Variants in SLAIN1 observed in about 807,000 individuals in gnomAD.
The protein encoded by SLAIN1 is SLAIN family member 1.
In SLAIN1, 17 loss-of-function variants were observed where a neutral mutation model predicts 55.4. The observed-to-expected ratio is 0.31, with a 90% CI of 0.21 to 0.46. The LOEUF (loss-of-function observed/expected upper bound fraction) is 0.46, where lower values mean the gene tolerates loss of function less well. SLAIN1 is among the 20% of genes least tolerant of loss of function. SLAIN1 has a pLI of 1.00. For missense variants in SLAIN1, 682 were observed against 785.1 expected (o/e 0.87, Z 1.57); for synonymous variants, 348 against 337.4 (o/e 1.03, Z -0.35).
Position 77,741,473 on chromosome 13 carries a change from A to G in SLAIN1, c.767-2810A>G, listed in dbSNP as rs942724793. ...ACGGGTTGGATAAGTGACATATACG[A>G]CTGGTGTCAATTGGCAACCAGGCTT... On this transcript the variant is annotated intron_variant, in intron 2 of 6. Coordinates refer to ENST00000418532, the MANE Select transcript of SLAIN1 (RefSeq NM_001242868.2). 5 of 983,410 alleles carry G rather than the reference A, an allele frequency of 5.1e-6. No homozygotes were observed. In the African/African-American group the frequency reaches 8.7e-5, roughly 17 times the overall value. The allele number at this position is 983,410 out of a possible 1,614,324, so 60.9% of individuals were successfully genotyped here. A position where few individuals can be genotyped will look rare whatever the true frequency, so the allele number is the denominator to read the frequency against.
At chr13:77,726,433 CTT>C (rs556561473) in intron 2 of SLAIN1, among the ~76,000 whole-genome samples, 1 of 149,202 alleles carries the variant, frequency 6.7e-6, no homozygotes, top group East Asian at 2.0e-4. Context: ...ATCTAAGAAA[CTT>C]TTTTTTTTAA....
chr13:77,744,920 G>C (rs1873710404), intron 3 of SLAIN1, among the ~76,000 whole-genome samples: 1 of 151,980 alleles, frequency 6.6e-6, no homozygotes, highest in African/African-American at 2.4e-5. Context: ...ACAAACTACT[G>C]ATATACACAA....
At chr13:77,740,009 A>G (rs541139764) in intron 2 of SLAIN1, among the ~76,000 whole-genome samples, 1 of 152,202 alleles carries the variant, frequency 6.6e-6, no homozygotes, top group South Asian at 2.1e-4. Flanking sequence ...TTCATTCAGT[A>G]GAAGATGATT....
intron 2 of SLAIN1, among the ~76,000 whole-genome samples, chr13:77,737,601 C>CT (rs1486977136): frequency 5.3e-5 from 8 of 152,074 alleles, no homozygotes; most frequent in Non-Finnish European, 8.8e-5. Flanking sequence ...GTACACTGCT[C>CT]TTTCATGTGT....
At chr13:77,708,402 G>T (rs1449647204) in intron 1 of SLAIN1, among the ~76,000 whole-genome samples, 13 of 152,276 alleles carry the variant, frequency 8.5e-5, no homozygotes, top group Non-Finnish European at 4.4e-5. Flanking sequence ...CCGTGCTTTA[G>T]ATAGCAGTTT....
At chr13:77,755,934 A>G (rs1031813754) in intron 5 of SLAIN1, among the ~76,000 whole-genome samples, 5 of 152,140 alleles carry the variant, frequency 3.3e-5, no homozygotes, top group Non-Finnish European at 7.4e-5. Flanking sequence ...AGTTCCTATC[A>G]TGACAATTTC....
chr13:77,713,592 C>G (rs1024676544), intron 1 of SLAIN1, among the ~76,000 whole-genome samples: 29 of 152,144 alleles, frequency 1.9e-4, no homozygotes, highest in Non-Finnish European at 3.5e-4. Flanking sequence ...ATTAGTTCAA[C>G]CATTGTAGAA....
Position 77,718,540 on chromosome 13 carries a change from T to G in SLAIN1, c.627-992T>G, listed in dbSNP as rs180832247. On this transcript the variant is annotated intron_variant, in intron 1 of 6. Coordinates refer to ENST00000418532, the MANE Select transcript of SLAIN1 (RefSeq NM_001242868.2). ...CCAACCATCTTGTATAACTGATAAA[T>G]TACTCTAATAGGTGAACGTTTTGTC... Among the ~76,000 whole-genome samples the G allele has an allele frequency of 9.7e-4, 148 of 152,258 alleles. 1 individual carries two copies. Among genetic ancestry groups the G allele is most frequent in the Middle Eastern group, 6.8e-3 (2 of 294 alleles).
intron 1 of SLAIN1, among the ~76,000 whole-genome samples, chr13:77,713,691 A>C (rs963301826): frequency 1.3e-5 from 2 of 152,208 alleles, no homozygotes; most frequent in African/African-American, 4.8e-5. Flanking sequence ...AAAGGATTAT[A>C]AATCATTCTA....
chr13:77,722,026 A>C (rs2091267391), intron 2 of SLAIN1, among the ~76,000 whole-genome samples: 1 of 149,740 alleles, frequency 6.7e-6, no homozygotes, highest in South Asian at 2.2e-4. Context: ...AAGTAATCCT[A>C]ATTGGTGGTT....
In SLAIN1 at chr13:77,698,762, G is replaced by C; in HGVS notation, c.626+223G>C. On this transcript the variant is annotated intron_variant, in intron 1 of 6. Transcript: ENST00000418532. This position sits in a 1 kb window ranked among gnomAD's most constrained non-coding sequence, Gnocchi z 4.1. ...CCTGTTTTCTAATCGCTCCGACTGC[G>C]GATGAACCGGCCCCCCCTTCCCCCC... 2.6e-6 allele frequency: 3 copies of C among 1,146,302 alleles called. No homozygotes were observed. In the South Asian group the frequency reaches 5.6e-5, roughly 21 times the overall value. 71.0% of individuals were successfully genotyped at this position (1,146,302 alleles called of 1,614,324 possible).
At chr13:77,742,087 T>TTGTG (rs138512742) in intron 2 of SLAIN1, among the ~76,000 whole-genome samples, 80 of 149,112 alleles carry the variant, frequency 5.4e-4, no homozygotes, top group South Asian at 8.5e-4. Context: ...GATTTGGGAT[T>TTGTG]TGTGTGTGTG....
At chr13:77,730,700 G>T (rs561822432) in intron 2 of SLAIN1, among the ~76,000 whole-genome samples, 3 of 152,186 alleles carry the variant, frequency 2.0e-5, no homozygotes, top group African/African-American at 7.2e-5. Context: ...TGTATTTCAA[G>T]AAACAGTGTA....
chr13:77,738,866 C>T (rs971120164), intron 2 of SLAIN1, among the ~76,000 whole-genome samples: 2 of 152,000 alleles, frequency 1.3e-5, no homozygotes, highest in African/African-American at 4.8e-5. Context: ...GAATTGCAGC[C>T]GTTTTGTAAC....
chr13:77,698,195 G>A lies in SLAIN1; in HGVS notation c.282G>A (p.Gly94=). 1 of 1,214,974 alleles carries A rather than the reference G, an allele frequency of 8.2e-7. No individual in the cohort carries two copies. The highest frequency in any genetic ancestry group is 1.0e-6 in the Non-Finnish European group (1 of 979,888). 75.3% of individuals were successfully genotyped at this position (1,214,974 alleles called of 1,614,324 possible). A position where few individuals can be genotyped will look rare whatever the true frequency, so the allele number is the denominator to read the frequency against. The stretch of plus-strand genomic sequence containing the variant: ...CCACGGCCACCGCCGCGGCCTCAGG[G>A]GGCCTGGGGCTCGGGCTGGCGCTGG... ...PAATATAAAS[G]GLGLGLALGA... The change falls in exon 1 of 7, where the codon GGG becomes GGA. Residue 94 remains glycine (G), a synonymous_variant. Transcript: ENST00000418532. The surrounding 1 kb of genome is among the most constrained non-coding windows in gnomAD (Gnocchi z 4.1).
At chr13:77,705,517 G>A (rs1011079050) in intron 1 of SLAIN1, among the ~76,000 whole-genome samples, 1 of 151,898 alleles carries the variant, frequency 6.6e-6, no homozygotes, top group Non-Finnish European at 1.5e-5. Context: ...TAAGTCACTA[G>A]AATGTATGAT....
In SLAIN1 at chr13:77,725,825, A is replaced by G. The variant is rs188199795; in HGVS notation, c.766+6154A>G. On this transcript the variant is annotated intron_variant, in intron 2 of 6. Coordinates refer to ENST00000418532, the MANE Select transcript of SLAIN1 (RefSeq NM_001242868.2). ...AGCCGTCCCTCCTTGTTTATGGAGT[A>G]AGCATCCCCAGGAAGCCATCTGAGT... 2.0e-3 allele frequency among the ~76,000 whole-genome samples: 308 copies of G among 152,200 alleles called. 1 individual carries two copies. The highest frequency in any genetic ancestry group is 7.1e-3 in the African/African-American group (296 of 41,514).
At chr13:77,736,446 T>A (rs1873124366) in intron 2 of SLAIN1, among the ~76,000 whole-genome samples, 1 of 152,084 alleles carries the variant, frequency 6.6e-6, no homozygotes, top group Non-Finnish European at 1.5e-5. Context: ...ACTCTTCTCT[T>A]GTCTGTTATT....
At chr13:77,739,771 C>T (rs1003364436) in intron 2 of SLAIN1, among the ~76,000 whole-genome samples, 2 of 151,926 alleles carry the variant, frequency 1.3e-5, no homozygotes, top group African/African-American at 2.4e-5. Flanking sequence ...TGTCGTCTGC[C>T]TTTTTATGAT....
Sources: allele counts gnomAD v4.1 joint callset (sites outside exome capture counted in the v4.1 genomes callset), GRCh38; gene constraint gnomAD v4.1.1; non-coding constraint Gnocchi (gnomAD v3.1); transcripts MANE v1.5; gene names NCBI Gene and HGNC (gene_info 2026-07-23, HGNC 2026-07-21).